Variants in ST3GAL3 observed in about 807,000 individuals in gnomAD.
The protein encoded by ST3GAL3 is ST3 beta-galactoside alpha-2,3-sialyltransferase 3, also known as CMP-N-acetylneuraminate-beta-1,4-galactoside alpha-2,3-sialyltransferase.
Under a neutral mutation model 50.1 loss-of-function variants are expected in ST3GAL3, and 21 were observed. The observed-to-expected ratio is 0.42, with a 90% CI of 0.30 to 0.60. ST3GAL3 has a LOEUF of 0.60. Among genes scored for constraint, ST3GAL3 ranks in the 20% least tolerant of loss-of-function variants. The pLI, the probability that ST3GAL3 is intolerant of heterozygous loss-of-function variation, is 0.19. For missense variants in ST3GAL3, 353 were observed against 489.4 expected (o/e 0.72, Z 2.63); for synonymous variants, 183 against 190.0 (o/e 0.96, Z 0.30).
intron 9 of ST3GAL3, among the ~76,000 whole-genome samples, chr1:43,901,904 G>A (rs778387270): frequency 6.6e-6 from 1 of 152,236 alleles, no homozygotes; most frequent in African/African-American, 2.4e-5. Context: ...GACCTTTAGA[G>A]TGAGCTGCCA....
chr1:43,898,885 A>G (rs570032577), intron 7 of ST3GAL3, among the ~76,000 whole-genome samples: 5 of 152,164 alleles, frequency 3.3e-5, no homozygotes, highest in African/African-American at 1.2e-4. Flanking sequence ...ATCTTACCAA[A>G]GCTCCCTCCT....
intron 4 of ST3GAL3, among the ~76,000 whole-genome samples, chr1:43,832,828 G>A (rs1386189735): frequency 6.6e-6 from 1 of 152,176 alleles, no homozygotes; most frequent in Non-Finnish European, 1.5e-5. Flanking sequence ...AGTACTTGGA[G>A]AAAGGCATCC....
intron 4 of ST3GAL3, 119 bp downstream of exon 4, chr1:43,815,052 C>G: frequency 9.8e-7 from 1 of 1,018,460 alleles, no homozygotes; most frequent in Non-Finnish European, 1.6e-6. Flanking sequence ...CCTGGGGCCT[C>G]TGTCCTCAGG....
chr1:43,851,378 G>T, intron 5 of ST3GAL3: 2 of 1,597,806 alleles, frequency 1.3e-6, no homozygotes, highest in South Asian at 1.1e-5. Context: ...TTGCAGGGGA[G>T]CCTGAGCAAG....
chr1:43,894,321 G>A, intron 5 of ST3GAL3, 62 bp from the exon 6 acceptor site: 1 of 1,533,938 alleles, frequency 6.5e-7, no homozygotes, highest in Admixed American at 1.7e-5. Flanking sequence ...ACGTACGGAA[G>A]TGCCACCAGT....
chr1:43,734,699 C>T (rs1677609025), intron 1 of ST3GAL3, among the ~76,000 whole-genome samples: 1 of 152,150 alleles, frequency 6.6e-6, no homozygotes, highest in South Asian at 2.1e-4. Flanking sequence ...TAATCACCTA[C>T]TTTATTGAAC....
At chr1:43,820,652 A>G (rs1057445016) in intron 4 of ST3GAL3, among the ~76,000 whole-genome samples, 8 of 152,034 alleles carry the variant, frequency 5.3e-5, no homozygotes, top group African/African-American at 1.9e-4. Context: ...AGTGGCTTAT[A>G]TTTTCTTTTA....
At chr1:43,732,178 G>A (rs982563748) in intron 1 of ST3GAL3, among the ~76,000 whole-genome samples, 3 of 152,100 alleles carry the variant, frequency 2.0e-5, no homozygotes, top group African/African-American at 7.2e-5. Context: ...CTCCTGCCCT[G>A]GCAGATACTT....
Position 43,911,474 on chromosome 1 carries a change from A to G in ST3GAL3, c.745-8930A>G, listed in dbSNP as rs2080822851. Among the ~76,000 whole-genome samples the G allele has an allele frequency of 4.0e-5, 6 of 151,082 alleles. No homozygotes were observed. In the South Asian group the frequency reaches 1.3e-3, roughly 32 times the overall value. ...AAATTCAAACCTGTCCTTCTAGGAC[A>G]TTTTTCAAGGAAGGATATATATAGA... is the stretch of plus-strand genomic sequence containing the variant. On this transcript the variant is annotated intron_variant, in intron 9 of 11. Transcript: ENST00000347631.
At chr1:43,723,092 C>T (rs1456763411) in intron 1 of ST3GAL3, among the ~76,000 whole-genome samples, 1 of 151,476 alleles carries the variant, frequency 6.6e-6, no homozygotes, top group African/African-American at 2.4e-5. Flanking sequence ...GGTAGCAACC[C>T]TCCCCTCTCT....
At chr1:43,854,325 A>G (rs763795467) in intron 5 of ST3GAL3, among the ~76,000 whole-genome samples, 5 of 152,174 alleles carry the variant, frequency 3.3e-5, no homozygotes, top group Non-Finnish European at 7.4e-5. Context: ...ACCAAAAAGC[A>G]CTGACAAATC....
chr1:43,865,085 C>T (rs962899355), intron 5 of ST3GAL3, among the ~76,000 whole-genome samples: 11 of 150,546 alleles, frequency 7.3e-5, no homozygotes, highest in African/African-American at 2.7e-4. Context: ...GGCGCGATCT[C>T]GGCTCACTGC....
At chr1:43,824,900 T>C in intron 4 of ST3GAL3, 1 of 742,286 alleles carries the variant, frequency 1.3e-6, no homozygotes, top group Non-Finnish European at 2.5e-6. Context: ...CAGGTGAGTC[T>C]AATATGCAGC....
chr1:43,826,464 C>T (rs373105952), intron 4 of ST3GAL3, among the ~76,000 whole-genome samples: 6 of 152,282 alleles, frequency 3.9e-5, no homozygotes, highest in African/African-American at 1.4e-4. Flanking sequence ...ACAACAGTCT[C>T]AGATGGTTTC....
rs772882849 is a variant in ST3GAL3 at position 43,920,471 on chromosome 1, T to C, written c.812T>C (p.Ile271Thr). The C allele has an allele frequency of 6.2e-7, 1 of 1,614,100 alleles. No homozygotes were observed. The highest frequency in any genetic ancestry group is 8.5e-7 in the Non-Finnish European group (1 of 1,180,018). ...RVPKEPPEIR[I>T]LNPYFIQEAA... Reference sequence around the variant, plus strand: ...CCCAAGGAGCCCCCTGAGATTCGAATCCTCAACCCATATTTCATCCAGGAG... The same window carrying C: ...CCCAAGGAGCCCCCTGAGATTCGAACCCTCAACCCATATTTCATCCAGGAG... Residue 271 changes from isoleucine (I) to threonine (T), a missense_variant, in exon 10 of 12, where the codon ATC (isoleucine) becomes ACC (threonine). Ile to Thr is a moderately conservative substitution (Grantham distance 89). Transcript: ENST00000347631.
chr1:43,778,434 A>G (rs1698097812), intron 2 of ST3GAL3, among the ~76,000 whole-genome samples: 1 of 152,174 alleles, frequency 6.6e-6, no homozygotes, highest in Non-Finnish European at 1.5e-5. Context: ...GCTGATGGGA[A>G]AAATAAAAAG....
intron 3 of ST3GAL3, among the ~76,000 whole-genome samples, chr1:43,792,472 G>GA (rs2058196407): frequency 6.6e-6 from 1 of 152,216 alleles, no homozygotes; most frequent in Admixed American, 6.5e-5. Context: ...AGAGGGCATT[G>GA]AAAGACCCCA....
rs1195987696 is a variant in ST3GAL3 at position 43,733,216 on chromosome 1, G to A, written c.-30-3017G>A. Among the ~76,000 whole-genome samples the A allele has an allele frequency of 2.6e-5, 4 of 152,122 alleles. No homozygotes were observed. The East Asian group carries it at 7.7e-4, about 29-fold the overall frequency. ...TCATCTCATCATCTTGCCCAGGCTG[G>A]TCTCGAACTCCTGGGCTCATGCAGT... On this transcript the variant is annotated intron_variant, in intron 1 of 11. Transcript: ENST00000347631.
intron 5 of ST3GAL3, chr1:43,839,738 G>A (rs1574010152): frequency 1.3e-5 from 2 of 152,364 alleles, no homozygotes; most frequent in East Asian, 1.9e-4. Context: ...TTTACAGGAA[G>A]TATGGTGCTG....
Sources: gnomAD v4.1 joint callset for allele counts (sites outside exome capture counted in the v4.1 genomes callset) on GRCh38, gnomAD v4.1.1 for gene constraint, MANE v1.5 for transcripts, NCBI Gene and HGNC (gene_info 2026-07-23, HGNC 2026-07-21) for gene names.